Variants in CNTN6 observed in about 807,000 individuals in gnomAD.
CNTN6 encodes contactin 6.
In CNTN6, 137 loss-of-function variants were observed where a neutral mutation model predicts 122.8. The ratio of observed to expected loss-of-function variants is 1.12; its 90% CI spans 0.97 to 1.29. The LOEUF is 1.29. CNTN6 is among the 50% of genes most tolerant of loss of function. CNTN6 has a pLI of 0.00. For synonymous variants in CNTN6, 570 were observed against 426.0 expected, an observed-to-expected ratio of 1.34 and a Z score of -4.16; for missense variants, 1,634 against 1,223.4, an observed-to-expected ratio of 1.34 and a Z score of -5.01.
chr3:1,173,411 C>A, intron 2 of CNTN6: 1 of 384,140 alleles, frequency 2.6e-6, no homozygotes, highest in East Asian at 7.3e-5. Context: ...TGAATTATTT[C>A]ATTTAATCCT....
chr3:1,307,178 C>G (rs953035594), intron 7 of CNTN6, among the ~76,000 whole-genome samples: 2 of 152,194 alleles, frequency 1.3e-5, no homozygotes, highest in Non-Finnish European at 2.9e-5. Flanking sequence ...TCAGCTCTTT[C>G]CTTCCAGACT....
At chr3:1,197,557 G>C (rs991616806) in intron 2 of CNTN6, among the ~76,000 whole-genome samples, 6 of 152,170 alleles carry the variant, frequency 3.9e-5, no homozygotes, top group Admixed American at 3.3e-4. Context: ...TAGGAAAGCA[G>C]CATCTACAAC....
At chr3:1,129,367 T>A (rs191176191) in intron 1 of CNTN6, among the ~76,000 whole-genome samples, 1 of 152,174 alleles carries the variant, frequency 6.6e-6, no homozygotes, top group African/African-American at 2.4e-5. Flanking sequence ...CCCAGGCGAC[T>A]TGAGAAATTT....
intron 11 of CNTN6, among the ~76,000 whole-genome samples, chr3:1,331,349 A>G (rs552089433): frequency 1.8e-4 from 27 of 152,128 alleles, no homozygotes; most frequent in African/African-American, 6.3e-4. Context: ...TAAATGAATG[A>G]ATCAAAAAGG....
Position 1,372,848 on chromosome 3 carries a change from G to A in CNTN6, c.1679G>A (p.Gly560Glu). Residue 560 changes from glycine to glutamate, a missense_variant, in exon 14 of 23, where the codon GGG becomes GAG. Coordinates refer to ENST00000446702, the MANE Select transcript of CNTN6 (RefSeq NM_001289080.2). The stretch of plus-strand genomic sequence containing the variant: ...CCTTTCTGTCTGCAGGAATCTGTTG[G>A]GGATTTGATGATAAGGAATATTCAG... ...HFERIGGESV[G>E]DLMIRNIQLH... 6.3e-7 allele frequency: 1 copy of A among 1,593,812 alleles called. No homozygotes were observed. The highest frequency in any genetic ancestry group is 8.6e-7 in the Non-Finnish European group (1 of 1,165,158).
intron 7 of CNTN6, among the ~76,000 whole-genome samples, chr3:1,318,131 A>G (rs576223502): frequency 8.0e-5 from 12 of 150,924 alleles, no homozygotes; most frequent in African/African-American, 2.9e-4. Context: ...AGAGAGAAAG[A>G]AAGAAAAAGA....
Position 1,242,393 on chromosome 3 carries a change from A to G in CNTN6, c.358+14400A>G, listed in dbSNP as rs559774133. 2.8e-3 allele frequency among the ~76,000 whole-genome samples: 424 copies of G among 152,238 alleles called. 4 individuals are homozygous for G. Among genetic ancestry groups the G allele is most frequent in the Non-Finnish European group, 4.2e-3 (289 of 68,028 alleles). On this transcript the variant is annotated intron_variant, in intron 4 of 22. Transcript: ENST00000446702. ...GGATGGCAAAACAATTTGGTTGATA[A>G]GGCGCAGATCCTGAACTAATCTGTA...
At chr3:1,372,495 AG>A in intron 13 of CNTN6, 21 bp downstream of exon 13, 1 of 1,571,696 alleles carries the variant, frequency 6.4e-7, no homozygotes, top group Non-Finnish European at 8.6e-7. Flanking sequence ...GAAATTGTTA[AG>A]TGCTTAATAA....
intron 3 of CNTN6, among the ~76,000 whole-genome samples, chr3:1,226,978 T>C (rs1386866972): frequency 6.6e-6 from 1 of 152,128 alleles, no homozygotes; most frequent in East Asian, 1.9e-4. Flanking sequence ...TTCAAAATAT[T>C]TGGGGATTTT....
intron 17 of CNTN6, among the ~76,000 whole-genome samples, chr3:1,377,603 C>G (rs1164339393): frequency 6.6e-6 from 1 of 152,148 alleles, no homozygotes; most frequent in African/African-American, 2.4e-5. Flanking sequence ...GTGTACACTT[C>G]AAACTGGAGT....
intron 2 of CNTN6, among the ~76,000 whole-genome samples, chr3:1,202,716 C>T (rs1411592015): frequency 6.6e-6 from 1 of 152,038 alleles, no homozygotes; most frequent in Non-Finnish European, 1.5e-5. Flanking sequence ...AAGGAATAAA[C>T]AGTAAATGTC....
chr3:1,287,891 C>T (rs901023065), intron 5 of CNTN6, among the ~76,000 whole-genome samples: 1 of 152,186 alleles, frequency 6.6e-6, no homozygotes, highest in Non-Finnish European at 1.5e-5. Context: ...TGTTCCTCCC[C>T]ATGTTTAGCA....
intron 2 of CNTN6, among the ~76,000 whole-genome samples, chr3:1,160,661 G>A (rs1364399153): frequency 8.6e-5 from 11 of 128,570 alleles, no homozygotes; most frequent in Non-Finnish European, 1.1e-4. Flanking sequence ...ATAAATGTAC[G>A]TAAAAAAAAA....
At chr3:1,394,395 C>T (rs1694716775) in intron 20 of CNTN6, 3 of 155,462 alleles carry the variant, frequency 1.9e-5, no homozygotes, top group South Asian at 3.6e-4. Context: ...CGCCCAGGGT[C>T]GTTCCCAGGG....
At chr3:1,217,264 TGTGGTTG>T (rs1435913031) in intron 2 of CNTN6, among the ~76,000 whole-genome samples, 20 of 152,140 alleles carry the variant, frequency 1.3e-4, no homozygotes, top group Non-Finnish European at 2.4e-4. Context: ...TCTCTAGTGC[TGTGGTTG>T]GTATAGAAGG....
intron 7 of CNTN6, among the ~76,000 whole-genome samples, chr3:1,314,127 C>A (rs1339185580): frequency 3.9e-5 from 6 of 152,026 alleles, no homozygotes; most frequent in Non-Finnish European, 8.8e-5. Flanking sequence ...AATGTTTTCT[C>A]TTTTTCCGTA....
intron 20 of CNTN6, among the ~76,000 whole-genome samples, chr3:1,388,575 C>T (rs1451723630): frequency 2.0e-3 from 295 of 150,574 alleles, no homozygotes; most frequent in African/African-American, 6.7e-3. Context: ...ATGACTTTGA[C>T]GAGCTGAGAG....
chr3:1,291,925 A>G (rs923867016), intron 5 of CNTN6, among the ~76,000 whole-genome samples: 5 of 152,328 alleles, frequency 3.3e-5, no homozygotes, highest in Admixed American at 3.3e-4. Flanking sequence ...GCATTTATGC[A>G]TACTTGATCC....
At chr3:1,275,191 T>A (rs1272610576) in intron 4 of CNTN6, among the ~76,000 whole-genome samples, 1 of 152,216 alleles carries the variant, frequency 6.6e-6, no homozygotes, top group Admixed American at 6.5e-5. Context: ...TTTCCTTACT[T>A]GATCATTGAT....
Sources: allele counts gnomAD v4.1 joint callset (sites outside exome capture counted in the v4.1 genomes callset), GRCh38; gene constraint gnomAD v4.1.1; transcripts MANE v1.5; gene names NCBI Gene and HGNC (gene_info 2026-07-23, HGNC 2026-07-21).